NUP98: variants seen among roughly 807,000 people sequenced by gnomAD.
NUP98 encodes nucleoporin 98 and 96 precursor.
A neutral mutation model predicts 191.9 loss-of-function variants in NUP98; 26 were observed. The ratio of observed to expected loss-of-function variants is 0.14; its 90% CI spans 0.10 to 0.19. The LOEUF (loss-of-function observed/expected upper bound fraction) is 0.19, where lower values mean the gene tolerates loss of function less well. Among genes scored for constraint, NUP98 ranks in the 10% least tolerant of loss-of-function variants. The probability of loss-of-function intolerance (pLI) is 1.00; values close to 1 mark genes in which losing one functional copy is unlikely to be tolerated. For synonymous variants in NUP98, 808 were observed against 778.4 expected (o/e 1.04, Z -0.63); for missense variants, 1,941 against 2,178.8 (o/e 0.89, Z 2.17).
chr11:3,764,768 C>A (rs1471147472), intron 8 of NUP98, among the ~76,000 whole-genome samples: 1 of 152,130 alleles, frequency 6.6e-6, no homozygotes, highest in Non-Finnish European at 1.5e-5. Context: ...TTAGTAGAGA[C>A]GGGGTTTCAC....
chr11:3,723,284 T>G lies in NUP98; in HGVS notation c.2019A>C (p.Ala673=). The change falls in exon 16 of 33, where the codon GCA becomes GCC. Residue 673 remains alanine (A), a synonymous_variant. Coordinates refer to ENST00000324932, the MANE Select transcript of NUP98 (RefSeq NM_016320.5). The stretch of plus-strand genomic sequence containing the variant: ...TTCGCAAAGCAGCACGCATGTTTAA[T>G]GCAACAATGGTATCATCCACACTGT... ...NSNSVDDTIV[A]LNMRAALRNG... 6.2e-7 allele frequency: 1 copy of G among 1,614,200 alleles called. No individual in the cohort carries two copies. Among genetic ancestry groups the G allele is most frequent in the Non-Finnish European group, 8.5e-7 (1 of 1,180,032 alleles).
At chr11:3,684,808 T>C (rs2078091293) in intron 29 of NUP98, among the ~76,000 whole-genome samples, 1 of 134,978 alleles carries the variant, frequency 7.4e-6, no homozygotes, top group South Asian at 2.4e-4. Context: ...AGGCTTAGGC[T>C]TAGAGAGTTA....
intron 4 of NUP98, among the ~76,000 whole-genome samples, chr11:3,778,552 A>C (rs532900476): frequency 6.6e-6 from 1 of 152,270 alleles, no homozygotes; most frequent in East Asian, 1.9e-4. Context: ...TCCTCCTTGA[A>C]ATTCTCCCAT....
chr11:3,724,452 AT>A (rs2079535101), intron 15 of NUP98, among the ~76,000 whole-genome samples: 4 of 149,952 alleles, frequency 2.7e-5, no homozygotes, highest in African/African-American at 7.4e-5. Context: ...AAAAAAATAA[AT>A]AAATAAATTT....
chr11:3,705,387 G>C (rs766721473), intron 21 of NUP98, 31 bp from the exon 22 acceptor site: 25 of 1,604,592 alleles, frequency 1.6e-5, no homozygotes, highest in Non-Finnish European at 2.0e-5. Flanking sequence ...GAATGAATGT[G>C]CTTCCCAGAA....
chr11:3,717,804 T>C (rs2079240279), intron 18 of NUP98, among the ~76,000 whole-genome samples: 1 of 152,002 alleles, frequency 6.6e-6, no homozygotes, highest in African/African-American at 2.4e-5. Context: ...GAGTGTTGGA[T>C]TTTGGTAAAT....
chr11:3,694,114 G>A (rs1222979670), intron 26 of NUP98, among the ~76,000 whole-genome samples: 4 of 151,210 alleles, frequency 2.6e-5, no homozygotes, highest in Non-Finnish European at 4.4e-5. Flanking sequence ...GATCATGCCT[G>A]TAATACCAGC....
chr11:3,680,947 A>G (rs2077965519), intron 30 of NUP98, among the ~76,000 whole-genome samples: 1 of 151,774 alleles, frequency 6.6e-6, no homozygotes, highest in East Asian at 1.9e-4. Flanking sequence ...TGCAGCCTCA[A>G]CCTCCTGGGC....
chr11:3,771,270 A>G (rs1361254449), intron 7 of NUP98, among the ~76,000 whole-genome samples: 1 of 152,166 alleles, frequency 6.6e-6, no homozygotes, highest in African/African-American at 2.4e-5. Context: ...AGACTTCAGA[A>G]TCATCCTTCA....
At chr11:3,724,823 T>C (rs544089926) in intron 15 of NUP98, among the ~76,000 whole-genome samples, 1 of 143,570 alleles carries the variant, frequency 7.0e-6, no homozygotes, top group East Asian at 2.0e-4. Flanking sequence ...AAAATATCCC[T>C]TAAAGGGCTA....
rs745893800 is a variant in NUP98 at position 3,771,937 on chromosome 11, A to C, written c.604-9T>G. 4.3e-6 allele frequency: 7 copies of C among 1,609,774 alleles called. No individual in the cohort carries two copies. The Admixed American group carries it at 6.7e-5, about 15-fold the overall frequency. ...TCCTCTAAACGAAGTTCCTGAAGGG[A>C]GGGAAAACATATTTCTAATCTTAAC... is the stretch of plus-strand genomic sequence containing the variant. On this transcript the variant is annotated splice_polypyrimidine_tract_variant and intron_variant, in intron 6 of 32. Transcript: ENST00000324932.
At chr11:3,675,010 T>A (rs886575650), downstream of NUP98, 2 of 167,284 alleles carry the variant, frequency 1.2e-5, no homozygotes, top group Non-Finnish European at 2.6e-5. Flanking sequence ...GGAAAGCCAA[T>A]ACCAGGAATG....
chr11:3,692,107 C>T (rs906904058), intron 27 of NUP98, among the ~76,000 whole-genome samples: 6 of 151,902 alleles, frequency 3.9e-5, no homozygotes, highest in Admixed American at 1.3e-4. Context: ...GTGCCACCCT[C>T]GAACCTTGTG....
chr11:3,768,671 G>A lies in NUP98; in HGVS notation c.858C>T (p.Ser286=). ...QQNQQTTSLF[S]KPFGQATTTQ... is the part of the protein sequence containing the mutation. ...TGGTTGTAGCCTGGCCAAATGGTTT[G>A]CTGAAGAGGCTGGTAGTCTGCTGAT... is the stretch of plus-strand genomic sequence containing the variant. Residue 286 remains serine (S), a synonymous_variant, in exon 8 of 33, where the codon AGC becomes AGT. Transcript: ENST00000324932. 1 of 1,611,274 alleles carries A rather than the reference G, an allele frequency of 6.2e-7. No homozygotes were observed. The highest frequency in any genetic ancestry group is 8.5e-7 in the Non-Finnish European group (1 of 1,178,324).
At chr11:3,694,758 A>G (rs2078447871) in intron 26 of NUP98, among the ~76,000 whole-genome samples, 1 of 151,950 alleles carries the variant, frequency 6.6e-6, no homozygotes, top group African/African-American at 2.4e-5. Context: ...AAAAAAAAAA[A>G]ATGCTGCAGG....
chr11:3,760,203 A>C (rs1350535043), intron 10 of NUP98: 3 of 303,586 alleles, frequency 9.9e-6, no homozygotes, highest in Non-Finnish European at 1.8e-5. Flanking sequence ...ATGCTACCAC[A>C]GGTTTGAAAC....
Position 3,768,627 on chromosome 11 carries a change from G to C in NUP98, c.902C>G (p.Ser301Cys). 6.2e-7 allele frequency: 1 copy of C among 1,610,474 alleles called. No individual in the cohort carries two copies. The highest frequency in any genetic ancestry group is 2.2e-5 in the East Asian group (1 of 44,842). The stretch of plus-strand genomic sequence containing the variant: ...TCCTATGGTGCTGGTATTACCAAAG[G>C]AAAAGCCAGTGTTCTGGGTGGTTGT... ...QATTTQNTGFSFGNTSTIGQP... is the reference protein window; with the variant it reads ...QATTTQNTGFCFGNTSTIGQP... The change falls in exon 8 of 33, where the codon TCC (serine) becomes TGC (cysteine). Residue 301 changes from serine to cysteine, a missense_variant. Coordinates refer to ENST00000324932, the MANE Select transcript of NUP98 (RefSeq NM_016320.5).
intron 27 of NUP98, 128 bp downstream of exon 27, chr11:3,693,104 G>A: frequency 1.2e-6 from 1 of 856,544 alleles, no homozygotes; most frequent in Non-Finnish European, 1.8e-6. Flanking sequence ...ACAGACACTT[G>A]GGGAAGTAGC....
chr11:3,750,901 G>A (rs1454917585), intron 11 of NUP98, among the ~76,000 whole-genome samples: 1 of 152,096 alleles, frequency 6.6e-6, no homozygotes, highest in Non-Finnish European at 1.5e-5. Context: ...CTCCCAAAGT[G>A]CTGGGATTAG....
Sources: allele counts gnomAD v4.1 joint callset (sites outside exome capture counted in the v4.1 genomes callset), GRCh38; gene constraint gnomAD v4.1.1; transcripts MANE v1.5; gene names NCBI Gene and HGNC (gene_info 2026-07-23, HGNC 2026-07-21).